The following CENPVL3 variants were observed in gnomAD, a reference collection of about 807,000 sequenced individuals.
CENPVL3 encodes the protein centromere protein V like 3, also known as centromere protein V-like protein 3.
chrX:51,617,246 A>G lies in CENPVL3; in HGVS notation c.*809T>C, dbSNP rs1358860936. ...TGTTTGATAAAAATTTCAGATACCA[A>G]GAATTACATATAAATTAGAGTTGGT... On this transcript the variant is annotated 3_prime_UTR_variant, in exon 1 of 1. Coordinates refer to ENST00000417339, the MANE Select transcript of CENPVL3 (RefSeq NM_001355276.2). The G allele has an allele frequency of 1.8e-5, 2 of 112,135 alleles. No homozygotes were observed. The highest frequency in any genetic ancestry group is 3.8e-5 in the Non-Finnish European group (2 of 53,280). The allele number at this position is 112,135 out of a possible 1,213,427, so 9.2% of individuals were successfully genotyped here.
chrX:51,618,620 G>A lies in CENPVL3; in HGVS notation c.254C>T (p.Pro85Leu). 3.4e-6 allele frequency: 1 copy of A among 297,633 alleles called. No individual in the cohort carries two copies. Among genetic ancestry groups the A allele is most frequent in the Non-Finnish European group, 5.9e-6 (1 of 170,053 alleles). 24.5% of individuals were successfully genotyped at this position (297,633 alleles called of 1,213,427 possible). ...CTCCTTAGGGGACTCGGCGGGCGCC[G>A]GCGGGTCCGGGAGTGGCGCGGAGGG... ...PLPSAPLPDP[P>L]APAESPKELD... Residue 85 changes from proline to leucine, a missense_variant, in exon 1 of 1, where the codon CCG becomes CTG. Physicochemically the swap from Pro to Leu is moderately conservative, Grantham distance 98 (BLOSUM62 -3). Transcript: ENST00000417339.
rs1922323378 is a variant in CENPVL3 at position 51,618,161 on chromosome X, T to A, written c.713A>T (p.Glu238Val). Residue 238 changes from glutamate (E) to valine (V), a missense_variant, in exon 1 of 1, where the codon GAG becomes GTG. Transcript: ENST00000417339. ...CTCCCCCGGGTCGCCACCGCCGACC[T>A]CCTCGATGACCACGCTGCGCACGGT... ...EGTVRSVVIEEVGGGDPGEEA... is the reference protein window; with the variant it reads ...EGTVRSVVIEVVGGGDPGEEA... The A allele has an allele frequency of 1.7e-5, 4 of 236,582 alleles. No individual in the cohort carries two copies. Among genetic ancestry groups the A allele is most frequent in the Non-Finnish European group, 2.7e-5 (4 of 146,291 alleles). 19.5% of individuals were successfully genotyped at this position (236,582 alleles called of 1,213,427 possible). A position where few individuals can be genotyped will look rare whatever the true frequency, so the allele number is the denominator to read the frequency against.
chrX:51,618,656 C>G lies in CENPVL3; in HGVS notation c.218G>C (p.Arg73Thr). 2 of 297,757 alleles carry G rather than the reference C, an allele frequency of 6.7e-6. No homozygotes were observed. The allele number at this position is 297,757 out of a possible 1,213,427, so 24.5% of individuals were successfully genotyped here. The change falls in exon 1 of 1, where the codon AGA (arginine) becomes ACA (threonine). Residue 73 changes from arginine to threonine, a missense_variant. By Grantham distance (71) the Arg-to-Thr change is moderately conservative. Transcript: ENST00000417339. ...GAGTGGCGCGGAGGGCAGCGGATCT[C>G]TGGAGCCCGCCTCCCGGGCCCGCCG... The part of the protein sequence containing the change: ...RWRRAREAGS[R>T]DPLPSAPLPD...
At position 51,618,522 on chromosome X, in the gene CENPVL3, C is replaced by T. The variant is rs1922332361; in HGVS notation, c.352G>A (p.Ala118Thr). The change falls in exon 1 of 1, where the codon GCC becomes ACC. Residue 118 changes from alanine to threonine, a missense_variant. Coordinates refer to ENST00000417339, the MANE Select transcript of CENPVL3 (RefSeq NM_001355276.2). ...TCGAAGGTGTCCAGCAGGACCTTGG[C>T]GGCGCCCTCGCAGCTGAGGCCCCAC... ...KLWGLSCEGA[A>T]KVLLDTFEYP... 3.4e-6 allele frequency: 1 copy of T among 297,663 alleles called. No homozygotes were observed. The highest frequency in any genetic ancestry group is 5.9e-6 in the Non-Finnish European group (1 of 170,256). The allele number at this position is 297,663 out of a possible 1,213,427, so 24.5% of individuals were successfully genotyped here. A position where few individuals can be genotyped will look rare whatever the true frequency, so the allele number is the denominator to read the frequency against.
Position 51,617,435 on chromosome X carries a change from T to C in CENPVL3, c.*620A>G, listed in dbSNP as rs1045567257. On this transcript the variant is annotated 3_prime_UTR_variant, in exon 1 of 1. Transcript: ENST00000417339. ...CTCCCATCTCCTTTCCCAGAGACAG[T>C]TTCTAAAACAAAACTGAGGAAAATA... is the stretch of plus-strand genomic sequence containing the variant. 9.0e-6 allele frequency: 1 copy of C among 111,542 alleles called. No homozygotes were observed. Among genetic ancestry groups the C allele is most frequent in the Non-Finnish European group, 1.9e-5 (1 of 53,129 alleles). 9.2% of individuals were successfully genotyped at this position (111,542 alleles called of 1,213,427 possible).
In CENPVL3 at chrX:51,618,608, T is replaced by G. The variant is rs1259596152; in HGVS notation, c.266A>C (p.Glu89Ala). The G allele has an allele frequency of 2.0e-5, 6 of 296,707 alleles. No individual in the cohort carries two copies. Among genetic ancestry groups the G allele is most frequent in the African/African-American group, 2.7e-5 (1 of 36,841 alleles). 24.5% of individuals were successfully genotyped at this position (296,707 alleles called of 1,213,427 possible). ...GCCCAGGTCCAGCTCCTTAGGGGAC[T>G]CGGCGGGCGCCGGCGGGTCCGGGAG... is the stretch of plus-strand genomic sequence containing the variant. Reference protein sequence around the residue: ...APLPDPPAPAESPKELDLGAQ... With the variant: ...APLPDPPAPAASPKELDLGAQ... The change falls in exon 1 of 1, where the codon GAG (glutamate) becomes GCG (alanine). Residue 89 changes from glutamate (E) to alanine (A), a missense_variant. Transcript: ENST00000417339.
At position 51,618,568 on chromosome X, in the gene CENPVL3, G is replaced by T; in HGVS notation, c.306C>A (p.Arg102=). The T allele has an allele frequency of 3.4e-6, 1 of 298,120 alleles. No homozygotes were observed. Among genetic ancestry groups the T allele is most frequent in the East Asian group, 4.8e-5 (1 of 21,045 alleles). The allele number at this position is 298,120 out of a possible 1,213,427, so 24.6% of individuals were successfully genotyped here. A position where few individuals can be genotyped will look rare whatever the true frequency, so the allele number is the denominator to read the frequency against. The part of the protein sequence containing the change: ...KELDLGAQRE[R]WETFRKLWGL... ...CCCACAGTTTCCTGAACGTCTCCCA[G>T]CGCTCCCGCTGTGCGCCCAGGTCCA... Residue 102 remains arginine (R), a synonymous_variant, in exon 1 of 1, where the codon CGC becomes CGA. Coordinates refer to ENST00000417339, the MANE Select transcript of CENPVL3 (RefSeq NM_001355276.2).
rs972634332 is a variant in CENPVL3 at position 51,617,381 on chromosome X, T to G, written c.*674A>C. The G allele has an allele frequency of 2.4e-4, 27 of 112,016 alleles. No homozygotes were observed. Among genetic ancestry groups the G allele is most frequent in the African/African-American group, 7.5e-4 (23 of 30,766 alleles). 9.2% of individuals were successfully genotyped at this position (112,016 alleles called of 1,213,427 possible). A position where few individuals can be genotyped will look rare whatever the true frequency, so the allele number is the denominator to read the frequency against. On this transcript the variant is annotated 3_prime_UTR_variant, in exon 1 of 1. Transcript: ENST00000417339. ...GTATTTAGAAAGATTAAAGAGGGCATACAGCACACAGACGTTTCTCATTCC... is the reference window on the plus strand; with the variant it reads ...GTATTTAGAAAGATTAAAGAGGGCAGACAGCACACAGACGTTTCTCATTCC...
rs1922331888 is a variant in CENPVL3, at chrX:51,618,487, G to T, written c.387C>A (p.Gly129=). Residue 129 remains glycine, a synonymous_variant, in exon 1 of 1, where the codon GGC becomes GGA. Coordinates refer to ENST00000417339, the MANE Select transcript of CENPVL3 (RefSeq NM_001355276.2). ...KVLLDTFEYP[G]LVHHTGGCHC... ...GGCAGCCCCCGGTGTGATGCACGAG[G>T]CCCGGGTACTCGAAGGTGTCCAGCA... The T allele has an allele frequency of 3.4e-6, 1 of 293,194 alleles. No homozygotes were observed. The highest frequency in any genetic ancestry group is 5.9e-6 in the Non-Finnish European group (1 of 169,129). The allele number at this position is 293,194 out of a possible 1,213,427, so 24.2% of individuals were successfully genotyped here. A position where few individuals can be genotyped will look rare whatever the true frequency, so the allele number is the denominator to read the frequency against.
chrX:51,618,900 C>G lies in CENPVL3; in HGVS notation c.-27G>C, dbSNP rs1277139338. The G allele has an allele frequency of 3.4e-6, 1 of 296,840 alleles. No homozygotes were observed. Among genetic ancestry groups the G allele is most frequent in the Non-Finnish European group, 5.9e-6 (1 of 170,214 alleles). 24.5% of individuals were successfully genotyped at this position (296,840 alleles called of 1,213,427 possible). A position where few individuals can be genotyped will look rare whatever the true frequency, so the allele number is the denominator to read the frequency against. ...GCGCCTGCAGCCTCCGGAGCGCGTG[C>G]CCAGCCCGCTACCCCCATTTTCCCG... On this transcript the variant is annotated 5_prime_UTR_variant, in exon 1 of 1. Coordinates refer to ENST00000417339, the MANE Select transcript of CENPVL3 (RefSeq NM_001355276.2).
At position 51,617,712 on chromosome X, in the gene CENPVL3, A is replaced by G. The variant is rs1396412473; in HGVS notation, c.*343T>C. On this transcript the variant is annotated 3_prime_UTR_variant, in exon 1 of 1. Transcript: ENST00000417339. ...CAACAAGCCTGTTCACAATAGCACC[A>G]GGAACGTACAGTACACAGGAATCAT... The G allele has an allele frequency of 6.4e-6, 1 of 156,455 alleles. No individual in the cohort carries two copies. Among genetic ancestry groups the G allele is most frequent in the Non-Finnish European group, 1.2e-5 (1 of 81,766 alleles). The allele number at this position is 156,455 out of a possible 1,213,427, so 12.9% of individuals were successfully genotyped here. A position where few individuals can be genotyped will look rare whatever the true frequency, so the allele number is the denominator to read the frequency against.
In CENPVL3 at chrX:51,617,027, G is replaced by A. The variant is rs374570421; in HGVS notation, c.*1028C>T. The A allele has an allele frequency of 8.9e-6, 1 of 111,952 alleles. No homozygotes were observed. Among genetic ancestry groups the A allele is most frequent in the South Asian group, 3.7e-4 (1 of 2,672 alleles). 9.2% of individuals were successfully genotyped at this position (111,952 alleles called of 1,213,427 possible). On this transcript the variant is annotated 3_prime_UTR_variant, in exon 1 of 1. Transcript: ENST00000417339. ...GAAAGAGTATCCAGGCCCTTTTACC[G>A]AAGTAGTAGAACAATGCAGACATTT...
rs1295041683 is a variant in CENPVL3, at chrX:51,618,680, C to G, written c.194G>C (p.Arg65Pro). The change falls in exon 1 of 1, where the codon CGG (arginine) becomes CCG (proline). Residue 65 changes from arginine (R) to proline (P), a missense_variant. By Grantham distance (103) the Arg-to-Pro change is moderately radical. Coordinates refer to ENST00000417339, the MANE Select transcript of CENPVL3 (RefSeq NM_001355276.2). ...LGKLRRKRRW[R>P]RAREAGSRDP... ...TCTGGAGCCCGCCTCCCGGGCCCGC[C>G]GCCACCGGCGCTTCCGCCGCAACTT... 3.4e-5 allele frequency: 10 copies of G among 296,736 alleles called. No homozygotes were observed. Among genetic ancestry groups the G allele is most frequent in the South Asian group, 2.0e-4 (1 of 4,987 alleles). The allele number at this position is 296,736 out of a possible 1,213,427, so 24.5% of individuals were successfully genotyped here. A position where few individuals can be genotyped will look rare whatever the true frequency, so the allele number is the denominator to read the frequency against.
At position 51,618,603 on chromosome X, in the gene CENPVL3, G is replaced by C. The variant is rs1475047836; in HGVS notation, c.271C>G (p.Pro91Ala). 7 of 296,820 alleles carry C rather than the reference G, an allele frequency of 2.4e-5. No homozygotes were observed. The highest frequency in any genetic ancestry group is 1.9e-4 in the African/African-American group (7 of 36,900). 24.5% of individuals were successfully genotyped at this position (296,820 alleles called of 1,213,427 possible). The change falls in exon 1 of 1, where the codon CCT becomes GCT. Residue 91 changes from proline (P) to alanine (A), a missense_variant. Physicochemically the swap from Pro to Ala is conservative, Grantham distance 27. Transcript: ENST00000417339. ...TGTGCGCCCAGGTCCAGCTCCTTAG[G>C]GGACTCGGCGGGCGCCGGCGGGTCC... ...LPDPPAPAES[P>A]KELDLGAQRE...
rs1460207525 is a variant in CENPVL3, at chrX:51,618,706, T to A, written c.168A>T (p.Gly56=). The part of the protein sequence containing the change: ...GSHAAAKRWL[G]KLRRKRRWRR... ...GCCACCGGCGCTTCCGCCGCAACTT[T>A]CCCAGCCACCTCTTGGCCGCCGCGT... The change falls in exon 1 of 1, where the codon GGA becomes GGT. Residue 56 remains glycine, a synonymous_variant. Transcript: ENST00000417339. 13 of 296,455 alleles carry A rather than the reference T, an allele frequency of 4.4e-5. No homozygotes were observed. The highest frequency in any genetic ancestry group is 6.5e-5 in the Non-Finnish European group (11 of 169,729). The allele number at this position is 296,455 out of a possible 1,213,427, so 24.4% of individuals were successfully genotyped here.
Position 51,618,440 on chromosome X carries a change from G to A in CENPVL3, c.434C>T (p.Ala145Val). ...GGCHCGAVRF[A>V]VWAPADLRVV... is the part of the protein sequence containing the mutation. ...GCGCAGATCTGCAGGGGCCCAGACCGCAAAGCGGACCGCGCCGCAGTGGCA... is the reference window on the plus strand; with the variant it reads ...GCGCAGATCTGCAGGGGCCCAGACCACAAAGCGGACCGCGCCGCAGTGGCA... The change falls in exon 1 of 1, where the codon GCG becomes GTG. Residue 145 changes from alanine (A) to valine (V), a missense_variant. Physicochemically the swap from Ala to Val is moderately conservative, Grantham distance 64. Coordinates refer to ENST00000417339, the MANE Select transcript of CENPVL3 (RefSeq NM_001355276.2). The A allele has an allele frequency of 3.4e-6, 1 of 292,460 alleles. No homozygotes were observed. Among genetic ancestry groups the A allele is most frequent in the Non-Finnish European group, 5.9e-6 (1 of 168,670 alleles). The allele number at this position is 292,460 out of a possible 1,213,427, so 24.1% of individuals were successfully genotyped here. A position where few individuals can be genotyped will look rare whatever the true frequency, so the allele number is the denominator to read the frequency against.
chrX:51,618,596 T>A lies in CENPVL3; in HGVS notation c.278A>T (p.Glu93Val). The A allele has an allele frequency of 3.4e-6, 1 of 297,626 alleles. No homozygotes were observed. The highest frequency in any genetic ancestry group is 5.9e-6 in the Non-Finnish European group (1 of 170,154). 24.5% of individuals were successfully genotyped at this position (297,626 alleles called of 1,213,427 possible). The change falls in exon 1 of 1, where the codon GAG (glutamate) becomes GTG (valine). Residue 93 changes from glutamate (E) to valine (V), a missense_variant. Transcript: ENST00000417339. ...DPPAPAESPK[E>V]LDLGAQRERW... ...CTCCCGCTGTGCGCCCAGGTCCAGC[T>A]CCTTAGGGGACTCGGCGGGCGCCGG...
In CENPVL3 at chrX:51,618,782, A is replaced by G. The variant is rs376509001; in HGVS notation, c.92T>C (p.Met31Thr). 3.4e-4 allele frequency: 101 copies of G among 296,403 alleles called. No homozygotes were observed. The highest frequency in any genetic ancestry group is 1.8e-3 in the Middle Eastern group (2 of 1,132). 24.4% of individuals were successfully genotyped at this position (296,403 alleles called of 1,213,427 possible). A position where few individuals can be genotyped will look rare whatever the true frequency, so the allele number is the denominator to read the frequency against. ...PPAACAAIAV[M>T]GASRAQCPRV... ...GGGGCACTGCGCGCGGCTGGCGCCC[A>G]TGACCGCGATGGCCGCGCAGGCGGC... Residue 31 changes from methionine (M) to threonine (T), a missense_variant, in exon 1 of 1, where the codon ATG (methionine) becomes ACG (threonine). Physicochemically the swap from Met to Thr is moderately conservative, Grantham distance 81. Transcript: ENST00000417339.
rs1166692190 is a variant in CENPVL3, at chrX:51,618,644, G to A, written c.230C>T (p.Pro77Leu). Residue 77 changes from proline to leucine, a missense_variant, in exon 1 of 1, where the codon CCC becomes CTC. By Grantham distance (98) the Pro-to-Leu change is moderately conservative. Coordinates refer to ENST00000417339, the MANE Select transcript of CENPVL3 (RefSeq NM_001355276.2). Reference protein sequence around the residue: ...AREAGSRDPLPSAPLPDPPAP... With the variant: ...AREAGSRDPLLSAPLPDPPAP... ...CGGCGGGTCCGGGAGTGGCGCGGAG[G>A]GCAGCGGATCTCTGGAGCCCGCCTC... 1 of 297,760 alleles carries A rather than the reference G, an allele frequency of 3.4e-6. No individual in the cohort carries two copies. The highest frequency in any genetic ancestry group is 2.0e-4 in the South Asian group (1 of 5,099). 24.5% of individuals were successfully genotyped at this position (297,760 alleles called of 1,213,427 possible). A position where few individuals can be genotyped will look rare whatever the true frequency, so the allele number is the denominator to read the frequency against.
Sources: allele counts gnomAD v4.1 joint callset, GRCh38; gene constraint gnomAD v4.1.1; transcripts MANE v1.5; gene names NCBI Gene and HGNC (gene_info 2026-07-23, HGNC 2026-07-21).